The following PRKAR1A variants were observed in gnomAD, a reference collection of about 807,000 sequenced individuals.
PRKAR1A encodes protein kinase cAMP-dependent type I regulatory subunit alpha.
A neutral mutation model predicts 52.0 loss-of-function variants in PRKAR1A; 3 were observed. The observed-to-expected ratio is 0.06, with a 90% confidence interval of 0.03 to 0.15. The LOEUF is 0.15. PRKAR1A is among the 10% of genes least tolerant of loss of function. The pLI is 1.00. For missense variants in PRKAR1A, 240 were observed against 477.4 expected, an observed-to-expected ratio of 0.50 and a Z score of 4.63; for synonymous variants, 188 against 168.4, an observed-to-expected ratio of 1.12 and a Z score of -0.90.
downstream of PRKAR1A, chr17:68,533,533 T>C: frequency 1.4e-6 from 1 of 690,710 alleles, no homozygotes; most frequent in Non-Finnish European, 1.8e-6. Flanking sequence ...GATTTAAATA[T>C]TGACATTTAA....
the PRKAR1A span, among the ~76,000 whole-genome samples, chr17:68,494,046 G>A: frequency 6.6e-6 from 1 of 152,146 alleles, no homozygotes; most frequent in Non-Finnish European, 1.5e-5. Flanking sequence ...GAGGATTATG[G>A]ATGATTTTAA....
At position 68,528,850 on chromosome 17, in the gene PRKAR1A, T is replaced by C; in HGVS notation, c.770-20T>C. ...AGCACCAAATAATACAGAGCAGTTATTTTGATTCTTGTCTTTCAGAGTCTC... is the reference window on the plus strand; with the variant it reads ...AGCACCAAATAATACAGAGCAGTTACTTTGATTCTTGTCTTTCAGAGTCTC... On this transcript the variant is annotated intron_variant, in intron 8 of 10. Transcript: ENST00000589228. 2 of 1,613,384 alleles carry C rather than the reference T, an allele frequency of 1.2e-6. No individual in the cohort carries two copies. Among genetic ancestry groups the C allele is most frequent in the Non-Finnish European group, 1.7e-6 (2 of 1,179,350 alleles).
At chr17:68,427,206 C>G in the PRKAR1A span, 1 of 1,614,048 alleles carries the variant, frequency 6.2e-7, no homozygotes, top group South Asian at 1.1e-5. Context: ...TAAGGAAGGT[C>G]TGAGGTCATT....
At chr17:68,519,116 G>A (rs2085523548) in intron 2 of PRKAR1A, among the ~76,000 whole-genome samples, 1 of 152,124 alleles carries the variant, frequency 6.6e-6, no homozygotes, top group African/African-American at 2.4e-5. Context: ...CTTCTTCTGA[G>A]CCCTCCAGAC....
downstream of PRKAR1A, chr17:68,536,570 GC>G (rs763641579): frequency 3.3e-5 from 15 of 453,712 alleles, no homozygotes; most frequent in Non-Finnish European, 5.7e-5. Context: ...TTTCCACATA[GC>G]CCCTTTCTTC....
chr17:68,423,465 C>T, the PRKAR1A span, among the ~76,000 whole-genome samples: 4 of 152,298 alleles, frequency 2.6e-5, no homozygotes, highest in East Asian at 1.9e-4. The surrounding 1 kb of genome is among the most constrained non-coding windows in gnomAD (Gnocchi z 4.4). Flanking sequence ...GTGGCTGCCA[C>T]GACACAGCCC....
the PRKAR1A span, among the ~76,000 whole-genome samples, chr17:68,487,981 AAGAG>A: frequency 1.3e-5 from 2 of 152,064 alleles, no homozygotes; most frequent in South Asian, 2.1e-4. Flanking sequence ...GTTTGTATGA[AAGAG>A]AGAGAGAGGG....
the PRKAR1A span, chr17:68,457,222 C>T: frequency 5.7e-6 from 7 of 1,228,436 alleles, no homozygotes; most frequent in Non-Finnish European, 7.9e-6. Flanking sequence ...CCGAAGCAGA[C>T]ACCGGCCCTC....
intron 11 of PRKAR1A, among the ~76,000 whole-genome samples, chr17:68,543,175 A>T (rs1002474939): frequency 5.3e-5 from 8 of 152,028 alleles, no homozygotes; most frequent in African/African-American, 1.9e-4. Context: ...TGGGGCTGAG[A>T]TTTCTTATTT....
the PRKAR1A span, among the ~76,000 whole-genome samples, chr17:68,473,501 AT>A: frequency 6.6e-6 from 1 of 152,134 alleles, no homozygotes; most frequent in African/African-American, 2.4e-5. Context: ...TGGTAAATCA[AT>A]TGACCTATTT....
the PRKAR1A span, among the ~76,000 whole-genome samples, chr17:68,499,368 A>AAAG: frequency 7.1e-6 from 1 of 140,402 alleles, no homozygotes. Flanking sequence ...AAGGGAGGAA[A>AAAG]AGAGAGAGAG....
the PRKAR1A span, among the ~76,000 whole-genome samples, chr17:68,455,106 A>G: frequency 6.6e-6 from 1 of 152,176 alleles, no homozygotes; most frequent in Non-Finnish European, 1.5e-5. Context: ...TCACATCTGT[A>G]ATCCCAGCAT....
intron 2 of PRKAR1A, 164 bp downstream of exon 2, chr17:68,515,740 T>TAAAAACAAAAAACAAAAAAAAAAAAC (rs1215313264): frequency 8.1e-6 from 7 of 860,924 alleles, no homozygotes; most frequent in Non-Finnish European, 1.2e-5. Flanking sequence ...TGTAGTAATT[T>TAAAAACAAAAAACAAAAAAAAAAAAC]AAAAATTCTT....
chr17:68,543,428 C>T (rs1002302480), intron 11 of PRKAR1A, among the ~76,000 whole-genome samples: 1 of 152,128 alleles, frequency 6.6e-6, no homozygotes, highest in Non-Finnish European at 1.5e-5. Context: ...TCGTTACATT[C>T]GTTAAAAGGC....
At chr17:68,430,360 C>T in the PRKAR1A span, among the ~76,000 whole-genome samples, 7 of 152,174 alleles carry the variant, frequency 4.6e-5, no homozygotes, top group Admixed American at 1.3e-4. Context: ...CTTGTTTGTT[C>T]TTCAGAAGAG....
intron 6 of PRKAR1A, 36 bp from the exon 7 acceptor site, chr17:68,525,718 A>C: frequency 6.2e-7 from 1 of 1,609,552 alleles, no homozygotes; most frequent in Non-Finnish European, 8.5e-7. Context: ...GTTTGTATCT[A>C]GAAAATAAAC....
chr17:68,510,195 G>GAGAGAGAGAGAGAGAGAGAT (rs1164168629), upstream of PRKAR1A, among the ~76,000 whole-genome samples: 1 of 148,652 alleles, frequency 6.7e-6, no homozygotes, highest in Non-Finnish European at 1.5e-5. Context: ...GAGAGAGAGA[G>GAGAGAGAGAGAGAGAGAGAT]ATCTATCTAT....
At chr17:68,534,532 G>T, downstream of PRKAR1A, among the ~76,000 whole-genome samples, 1 of 148,308 alleles carries the variant, frequency 6.7e-6, no homozygotes, top group East Asian at 2.0e-4. Flanking sequence ...CTGTGAATAA[G>T]TGTCCTTTTC....
the PRKAR1A span, among the ~76,000 whole-genome samples, chr17:68,465,083 G>A: frequency 6.1e-5 from 4 of 65,132 alleles, no homozygotes; most frequent in East Asian, 7.1e-4. Flanking sequence ...CCGCCACCAC[G>A]CCCGGCTAAT....
Sources: gnomAD v4.1 joint callset for allele counts (sites outside exome capture counted in the v4.1 genomes callset) on GRCh38, gnomAD v4.1.1 for gene constraint, Gnocchi (gnomAD v3.1) non-coding constraint, MANE v1.5 for transcripts, NCBI Gene and HGNC (gene_info 2026-07-23, HGNC 2026-07-21) for gene names.